PTPN2: variants seen among roughly 807,000 people sequenced by gnomAD.
PTPN2 encodes protein tyrosine phosphatase non-receptor type 2, also known as tyrosine-protein phosphatase non-receptor type 2.
In PTPN2, 19 loss-of-function variants were observed where a neutral mutation model predicts 57.3. The observed-to-expected ratio is 0.33, with a 90% CI of 0.23 to 0.49. The LOEUF (loss-of-function observed/expected upper bound fraction) is 0.49, where lower values mean the gene tolerates loss of function less well. Ranked by LOEUF, PTPN2 falls within the 20% of genes least tolerant of loss-of-function variation. PTPN2 has a pLI of 0.99. For missense variants in PTPN2, 358 were observed against 501.1 expected (o/e 0.71, Z 2.73); for synonymous variants, 153 against 164.9 (o/e 0.93, Z 0.55).
At chr18:12,853,726 A>T (rs762077806) in intron 2 of PTPN2, among the ~76,000 whole-genome samples, 3 of 152,236 alleles carry the variant, frequency 2.0e-5, no homozygotes, top group Non-Finnish European at 2.9e-5. Flanking sequence ...TCACGCTAGA[A>T]GAACTCCAAG....
intron 7 of PTPN2, among the ~76,000 whole-genome samples, chr18:12,805,251 G>A (rs899983018): frequency 6.6e-6 from 1 of 152,158 alleles, no homozygotes; most frequent in Admixed American, 6.5e-5. Context: ...GAGGTCAGGC[G>A]TTTGGGACTG....
intron 1 of PTPN2, among the ~76,000 whole-genome samples, chr18:12,877,683 T>C (rs1222722821): frequency 6.6e-6 from 1 of 152,212 alleles, no homozygotes; most frequent in African/African-American, 2.4e-5. Flanking sequence ...GTAAAAATTG[T>C]TCTCTAGCAA....
intron 5 of PTPN2, among the ~76,000 whole-genome samples, chr18:12,820,229 T>C (rs770373565): frequency 6.6e-6 from 1 of 151,988 alleles, no homozygotes; most frequent in Non-Finnish European, 1.5e-5. Context: ...TCTTCCCCAC[T>C]AATAGATTTT....
At chr18:12,865,791 C>T (rs1001526039) in intron 1 of PTPN2, among the ~76,000 whole-genome samples, 5 of 151,732 alleles carry the variant, frequency 3.3e-5, no homozygotes, top group Non-Finnish European at 5.9e-5. Context: ...AACGCCACTG[C>T]ACTCCAGCCC....
rs1001108405 is a variant in PTPN2 at position 12,814,308 on chromosome 18, C to T, written c.753G>A (p.Met251Ile). Residue 251 changes from methionine to isoleucine, a missense_variant, in exon 7 of 9, where the codon ATG (methionine) becomes ATA (isoleucine). Coordinates refer to ENST00000309660, the MANE Select transcript of PTPN2 (RefSeq NM_002828.4). ...DINIKQVLLN[M>I]RKYRMGLIQT... is the part of the protein sequence containing the mutation. Reference sequence around the variant, plus strand: ...GAATAAGACCCATTCGGTATTTTCTCATGTTCAGTAACACTTGTTTTATGT... The same window carrying T: ...GAATAAGACCCATTCGGTATTTTCTTATGTTCAGTAACACTTGTTTTATGT... 2 of 1,609,636 alleles carry T rather than the reference C, an allele frequency of 1.2e-6. No individual in the cohort carries two copies. Among genetic ancestry groups the T allele is most frequent in the Non-Finnish European group, 1.7e-6 (2 of 1,178,494 alleles).
chr18:12,802,219 T>A (rs1230831090), intron 7 of PTPN2, 68 bp from the exon 8 acceptor site: 14 of 1,214,442 alleles, frequency 1.2e-5, no homozygotes, highest in Middle Eastern at 2.7e-4. Context: ...AATAAAAAAA[T>A]TTATGAATTA....
At chr18:12,855,119 C>A (rs1193353600) in intron 2 of PTPN2, among the ~76,000 whole-genome samples, 1 of 152,176 alleles carries the variant, frequency 6.6e-6, no homozygotes, top group Non-Finnish European at 1.5e-5. Context: ...TTGCATTTGA[C>A]AACTACAGCT....
chr18:12,824,832 C>G (rs641499), intron 5 of PTPN2, among the ~76,000 whole-genome samples: 1 of 152,122 alleles, frequency 6.6e-6, no homozygotes, highest in Non-Finnish European at 1.5e-5. Context: ...ATGACTGTAA[C>G]CTCAACACTT....
intron 2 of PTPN2, among the ~76,000 whole-genome samples, chr18:12,841,970 G>A (rs1225863924): frequency 6.6e-6 from 1 of 150,572 alleles, no homozygotes; most frequent in African/African-American, 2.5e-5. Flanking sequence ...GCAATGGTGC[G>A]ATCTCAGTTC....
At chr18:12,798,621 C>A (rs920181399) in intron 8 of PTPN2, among the ~76,000 whole-genome samples, 8 of 152,170 alleles carry the variant, frequency 5.3e-5, no homozygotes, top group Non-Finnish European at 7.4e-5. Context: ...GTATTCCATG[C>A]TGTATATGTA....
intron 2 of PTPN2, among the ~76,000 whole-genome samples, chr18:12,842,204 C>G (rs902523364): frequency 6.6e-6 from 1 of 152,114 alleles, no homozygotes; most frequent in East Asian, 1.9e-4. Flanking sequence ...CGGCGCTCAG[C>G]AGTATTGCAC....
downstream of PTPN2, among the ~76,000 whole-genome samples, chr18:12,789,645 C>T (rs983802253): frequency 5.3e-5 from 8 of 152,084 alleles, no homozygotes; most frequent in African/African-American, 1.7e-4. Flanking sequence ...ATCTATGCCC[C>T]GGCTACACAT....
Position 12,836,853 on chromosome 18 carries a change from C to A in PTPN2, c.199G>T (p.Asp67Tyr). The A allele has an allele frequency of 6.2e-7, 1 of 1,611,318 alleles. No individual in the cohort carries two copies. Among genetic ancestry groups the A allele is most frequent in the South Asian group, 1.1e-5 (1 of 90,906 alleles). ...TCAACTAAACTGGCATTAATATAAT[C>A]ATTCTCAGCATTTTGCAGTTTAACA... is the stretch of plus-strand genomic sequence containing the variant. ...SRVKLQNAEN[D>Y]YINASLVDIE... The change falls in exon 3 of 9, where the codon GAT becomes TAT. Residue 67 changes from aspartate to tyrosine, a missense_variant. This residue lies in a region of PTPN2 where 193 missense variants were observed against 315.4 expected (regional missense o/e 0.61). Transcript: ENST00000309660.
intron 1 of PTPN2, among the ~76,000 whole-genome samples, chr18:12,864,697 C>T (rs530226172): frequency 6.6e-6 from 1 of 152,274 alleles, no homozygotes; most frequent in South Asian, 2.1e-4. Context: ...CGCGCCTGGC[C>T]TGAACATACC....
rs748963365 is a variant in PTPN2, at chr18:12,840,834, T to C, written c.161-3943A>G. 2.5e-6 allele frequency: 4 copies of C among 1,597,024 alleles called. No individual in the cohort carries two copies. In the Admixed American group the frequency reaches 6.7e-5, roughly 27 times the overall value. ...CTTTTCACGTTGCTCTCCACTCAGGTGTGACTTCCAACTCCTCTCTCACAT... is the reference window on the plus strand; with the variant it reads ...CTTTTCACGTTGCTCTCCACTCAGGCGTGACTTCCAACTCCTCTCTCACAT... On this transcript the variant is annotated intron_variant, in intron 2 of 8. Transcript: ENST00000309660.
intron 3 of PTPN2, among the ~76,000 whole-genome samples, chr18:12,832,313 C>T (rs1049714258): frequency 7.2e-5 from 11 of 152,084 alleles, no homozygotes; most frequent in Non-Finnish European, 1.6e-4. Context: ...GACAGGGTTT[C>T]ACCATGTTGG....
intron 2 of PTPN2, among the ~76,000 whole-genome samples, chr18:12,848,008 A>G (rs367785524): frequency 1.3e-5 from 2 of 152,174 alleles, no homozygotes. Context: ...GGATTTTGAG[A>G]AGGTAAAGCA....
chr18:12,859,417 T>C (rs1403460988), intron 1 of PTPN2, among the ~76,000 whole-genome samples, 163 bp from the exon 2 acceptor site: 3 of 152,190 alleles, frequency 2.0e-5, no homozygotes, highest in Non-Finnish European at 4.4e-5. Context: ...ACAATACTAA[T>C]GGAAACGATT....
intron 1 of PTPN2, among the ~76,000 whole-genome samples, chr18:12,870,444 TATATATATATATATATATAG>T (rs2044209023): frequency 4.2e-5 from 1 of 23,628 alleles, no homozygotes; most frequent in African/African-American, 3.8e-4. Flanking sequence ...TATATGTGTA[TATATATATATATATATATAG>T]AGAGAGAGAG....
Sources: gnomAD v4.1 joint callset for allele counts (sites outside exome capture counted in the v4.1 genomes callset) on GRCh38, gnomAD v4.1.1 for gene constraint, gnomAD v4.1.1 regional missense constraint, MANE v1.5 for transcripts, NCBI Gene and HGNC (gene_info 2026-07-23, HGNC 2026-07-21) for gene names.